The following RNF220 variants were observed in gnomAD, a reference collection of about 807,000 sequenced individuals.
The protein encoded by RNF220 is ring finger protein 220.
A neutral mutation model predicts 67.1 loss-of-function variants in RNF220; 7 were observed. The ratio of observed to expected loss-of-function variants is 0.10; its 90% CI spans 0.06 to 0.20. The LOEUF is 0.20. Ranked by LOEUF, RNF220 falls within the 10% of genes least tolerant of loss-of-function variation. RNF220 has a pLI of 1.00. For synonymous variants in RNF220, 270 were observed against 283.2 expected (o/e 0.95, Z 0.47); for missense variants, 565 against 740.3 (o/e 0.76, Z 2.75).
At chr1:44,505,244 C>T (rs1172319420) in intron 2 of RNF220, among the ~76,000 whole-genome samples, 1 of 152,204 alleles carries the variant, frequency 6.6e-6, no homozygotes, top group Admixed American at 6.5e-5. Flanking sequence ...AGGAGAGATC[C>T]TCTAGGTCCT....
At chr1:44,547,896 C>T (rs1377169677) in intron 2 of RNF220, among the ~76,000 whole-genome samples, 1 of 152,152 alleles carries the variant, frequency 6.6e-6, no homozygotes, top group Non-Finnish European at 1.5e-5. Context: ...GGTATAGCTG[C>T]TCTAGGCCCA....
intron 8 of RNF220, among the ~76,000 whole-genome samples, chr1:44,640,730 A>G (rs879051467): frequency 2.7e-4 from 41 of 152,182 alleles, no homozygotes; most frequent in African/African-American, 8.9e-4. Flanking sequence ...ATTGTCCCGC[A>G]TCGCAGCTCC....
At chr1:44,613,341 A>G (rs1250278105) in intron 2 of RNF220, among the ~76,000 whole-genome samples, 1 of 141,288 alleles carries the variant, frequency 7.1e-6, no homozygotes, top group Non-Finnish European at 1.5e-5. Flanking sequence ...AGCAGAGGCC[A>G]CAGAGCATCC....
intron 2 of RNF220, among the ~76,000 whole-genome samples, chr1:44,554,568 G>C (rs1156423513): frequency 6.6e-6 from 1 of 152,092 alleles, no homozygotes; most frequent in African/African-American, 2.4e-5. Context: ...GGGCTGAAGG[G>C]GATCCCATTG....
intron 2 of RNF220, among the ~76,000 whole-genome samples, chr1:44,455,490 T>C (rs930551959): frequency 2.3e-4 from 35 of 152,168 alleles, no homozygotes; most frequent in African/African-American, 8.4e-4. Flanking sequence ...CTCATGGGGC[T>C]CTCAAAGAAA....
intron 2 of RNF220, among the ~76,000 whole-genome samples, chr1:44,547,410 T>C (rs12032772): frequency 0.28 from 43,237 of 152,026 alleles, 6,229 homozygotes; most frequent in East Asian, 0.36. Context: ...CATGTTGGTG[T>C]TCACCCTTCT....
intron 8 of RNF220, among the ~76,000 whole-genome samples, chr1:44,636,728 C>T (rs185054073): frequency 1.3e-5 from 2 of 152,342 alleles, no homozygotes; most frequent in Admixed American, 6.5e-5. Flanking sequence ...TCTCCCTGGG[C>T]GCCCTCTGCC....
rs568020988 is a variant in RNF220 at position 44,598,555 on chromosome 1, C to G, written c.626-15610C>G. 6.6e-5 allele frequency among the ~76,000 whole-genome samples: 10 copies of G among 152,270 alleles called. No homozygotes were observed. In the South Asian group the frequency reaches 1.7e-3, roughly 25 times the overall value. ...AAATTGCTGAGTGAGAGAGAGAAAG[C>G]GTGCAGCCCAGGGGTTCCGGGTGGG... On this transcript the variant is annotated intron_variant, in intron 2 of 14. Coordinates refer to ENST00000361799, the MANE Select transcript of RNF220 (RefSeq NM_018150.4).
At chr1:44,491,071 G>A (rs1056860802) in intron 2 of RNF220, among the ~76,000 whole-genome samples, 8 of 152,170 alleles carry the variant, frequency 5.3e-5, no homozygotes, top group African/African-American at 1.9e-4. Flanking sequence ...TAACAATTAA[G>A]GAAATTGAAT....
intron 1 of RNF220, 90 bp from the exon 2 acceptor site, chr1:44,411,891 A>T: frequency 1.8e-6 from 1 of 561,914 alleles, no homozygotes; most frequent in Non-Finnish European, 3.1e-6. Context: ...GTGAGCCAGA[A>T]GGATGGTGTT....
chr1:44,519,690 AC>A (rs1482705573), intron 2 of RNF220, among the ~76,000 whole-genome samples: 17 of 152,020 alleles, frequency 1.1e-4, no homozygotes, highest in Admixed American at 2.6e-4. Context: ...AACCTCCTTG[AC>A]CCCCCTCCCT....
At chr1:44,487,025 G>C (rs571664952) in intron 2 of RNF220, among the ~76,000 whole-genome samples, 1 of 152,304 alleles carries the variant, frequency 6.6e-6, no homozygotes, top group South Asian at 2.1e-4. Flanking sequence ...TTGTGTGTTA[G>C]AATTAGAAGG....
chr1:44,515,948 G>T (rs1659420025), intron 2 of RNF220, among the ~76,000 whole-genome samples: 1 of 152,164 alleles, frequency 6.6e-6, no homozygotes, highest in South Asian at 2.1e-4. Flanking sequence ...GTGCCTCTGG[G>T]TATCACTTGG....
intron 2 of RNF220, among the ~76,000 whole-genome samples, chr1:44,588,677 G>A (rs778799154): frequency 6.6e-6 from 1 of 152,234 alleles, no homozygotes; most frequent in Admixed American, 6.5e-5. Flanking sequence ...TATTGATTGA[G>A]AAGGTGAGCC....
At chr1:44,429,761 G>C (rs879612541) in intron 2 of RNF220, among the ~76,000 whole-genome samples, 2 of 152,174 alleles carry the variant, frequency 1.3e-5, no homozygotes, top group African/African-American at 2.4e-5. Context: ...ACGTGTGGTT[G>C]GTAGGCCTAT....
At chr1:44,523,580 A>G (rs80004842) in intron 2 of RNF220, among the ~76,000 whole-genome samples, 23,408 of 152,164 alleles carry the variant, frequency 0.15, 2,209 homozygotes, top group Admixed American at 0.22. Context: ...CCAAAACCTC[A>G]TCTCTTTACA....
chr1:44,474,831 A>C (rs1199738705), intron 2 of RNF220, among the ~76,000 whole-genome samples: 2 of 152,354 alleles, frequency 1.3e-5, no homozygotes, highest in East Asian at 1.9e-4. Context: ...TAAAATATAC[A>C]AAAGGATATG....
Position 44,432,162 on chromosome 1 carries a change from A to AT in RNF220, c.625+19450dup, listed in dbSNP as rs979081335. ...GTTTCCCCATGTTAAAGCACTTTGA[A>AT]TTTTTTTTTTATTGTGATAAAGTAT... is the stretch of plus-strand genomic sequence containing the variant. On this transcript the variant is annotated intron_variant, in intron 2 of 14. Transcript: ENST00000361799. Among the ~76,000 whole-genome samples the AT allele has an allele frequency of 9.5e-3, 1,427 of 150,420 alleles. 15 individuals carry two copies. Among genetic ancestry groups the AT allele is most frequent in the African/African-American group, 0.032 (1,326 of 41,082 alleles).
intron 2 of RNF220, among the ~76,000 whole-genome samples, chr1:44,488,901 T>C (rs1656601919): frequency 6.6e-6 from 1 of 151,984 alleles, no homozygotes; most frequent in African/African-American, 2.4e-5. Context: ...AGCTAAGTTT[T>C]CCTATTTTTA....
Sources: gnomAD v4.1 joint callset for allele counts (sites outside exome capture counted in the v4.1 genomes callset) on GRCh38, gnomAD v4.1.1 for gene constraint, MANE v1.5 for transcripts, NCBI Gene and HGNC (gene_info 2026-07-23, HGNC 2026-07-21) for gene names.